The following ARHGEF12 variants were observed in gnomAD, a reference collection of about 807,000 sequenced individuals.
ARHGEF12 encodes the protein KMT2A/ARHGEF12 fusion protein.
In ARHGEF12, 66 loss-of-function variants were observed where a neutral mutation model predicts 211.2. The ratio of observed to expected loss-of-function variants is 0.31; its 90% CI spans 0.26 to 0.38. The LOEUF is 0.38. ARHGEF12 is among the 10% of genes least tolerant of loss of function. The pLI is 1.00. For synonymous variants in ARHGEF12, 592 were observed against 638.4 expected (o/e 0.93, Z 1.09); for missense variants, 1,429 against 1,869.5 (o/e 0.76, Z 4.34).
intron 25 of ARHGEF12, 104 bp from the exon 26 acceptor site, chr11:120,459,069 AT>A (rs1946444921): frequency 1.1e-6 from 1 of 935,892 alleles, no homozygotes; most frequent in Non-Finnish European, 1.4e-6. Context: ...ATGATAAATA[AT>A]TTATTATATA....
Position 120,336,632 on chromosome 11 carries a change from A to G in ARHGEF12, c.-612A>G, listed in dbSNP as rs909416647. 4.0e-5 allele frequency among the ~76,000 whole-genome samples: 6 copies of G among 151,422 alleles called. No homozygotes were observed. The highest frequency in any genetic ancestry group is 1.5e-4 in the African/African-American group (6 of 41,206). On this transcript the variant is annotated 5_prime_UTR_variant, in exon 1 of 41. Coordinates refer to ENST00000397843, the MANE Select transcript of ARHGEF12 (RefSeq NM_015313.3). ...GGTCCCTGTCACCTCGGGCCGCGGG[A>G]CCTCTCCGCCGGCGCCAGCGGCTCG...
chr11:120,361,273 G>A (rs1200863183), intron 1 of ARHGEF12, among the ~76,000 whole-genome samples: 1 of 152,150 alleles, frequency 6.6e-6, no homozygotes, highest in East Asian at 1.9e-4. Flanking sequence ...TGCTGGGGAC[G>A]CATTAGATTC....
rs1565514023 is a variant in ARHGEF12, at chr11:120,477,892, G to GAAAT, written c.3533-261_3533-260insTAAA. 8.5e-4 allele frequency among the ~76,000 whole-genome samples: 122 copies of GAAAT among 143,038 alleles called. 1 individual carries two copies. Among genetic ancestry groups the GAAAT allele is most frequent in the Non-Finnish European group, 1.1e-3 (70 of 65,284 alleles). 93.8% of individuals were successfully genotyped at this position (143,038 alleles called of 152,430 possible). On this transcript the variant is annotated intron_variant, in intron 36 of 40. Transcript: ENST00000397843. Reference sequence around the variant, plus strand: ...AAAAAAAAGAAAAAAAGAAAAAAAAGAAAATAAAATAAAATGCAAAGAAAC... The same window carrying GAAAT: ...AAAAAAAAGAAAAAAAGAAAAAAAAGAAATAAAATAAAATAAAATGCAAAGAAAC...
chr11:120,389,488 G>T (rs923529948), intron 1 of ARHGEF12, among the ~76,000 whole-genome samples: 5 of 152,140 alleles, frequency 3.3e-5, no homozygotes, highest in African/African-American at 1.2e-4. Flanking sequence ...TGGGTACCTA[G>T]TAAGTGTATG....
At chr11:120,446,813 AC>A in intron 17 of ARHGEF12, 134 bp from the exon 18 acceptor site, 1 of 1,080,762 alleles carries the variant, frequency 9.3e-7, no homozygotes, top group Non-Finnish European at 1.3e-6. Flanking sequence ...ATCCTAGATG[AC>A]ATGGACCCAT....
At chr11:120,457,310 C>T in intron 23 of ARHGEF12, 60 bp downstream of exon 23, 1 of 1,579,360 alleles carries the variant, frequency 6.3e-7, no homozygotes, top group Non-Finnish European at 8.7e-7. Flanking sequence ...AAATTATATG[C>T]TATTCCTATA....
chr11:120,446,491 G>T lies in ARHGEF12; in HGVS notation c.1434G>T (p.Arg478Ser). The T allele has an allele frequency of 6.2e-7, 1 of 1,611,928 alleles. No individual in the cohort carries two copies. The highest frequency in any genetic ancestry group is 8.5e-7 in the Non-Finnish European group (1 of 1,179,098). Residue 478 changes from arginine to serine, a missense_variant, in exon 17 of 41, where the codon AGG becomes AGT. Physicochemically the swap from Arg to Ser is moderately radical, Grantham distance 110 (BLOSUM62 -1). Coordinates refer to ENST00000397843, the MANE Select transcript of ARHGEF12 (RefSeq NM_015313.3). ...MQERVHPEVQ[R>S]HLEDFRQKRS... ...AAAGAGTCCATCCAGAAGTTCAAAG[G>T]CACTTAGAAGATTTTCGGTAAGCTT...
At chr11:120,387,248 G>A (rs369773335) in intron 1 of ARHGEF12, among the ~76,000 whole-genome samples, 1 of 151,742 alleles carries the variant, frequency 6.6e-6, no homozygotes, top group Non-Finnish European at 1.5e-5. Flanking sequence ...TGTGTGGTGG[G>A]GGGGGAGGGT....
In ARHGEF12 at chr11:120,477,076, TGGG is replaced by T. The variant is rs1436119180; in HGVS notation, c.3366-142_3366-140del. On this transcript the variant is annotated intron_variant, in intron 34 of 40. Coordinates refer to ENST00000397843, the MANE Select transcript of ARHGEF12 (RefSeq NM_015313.3). Reference sequence around the variant, plus strand: ...AAAATAAAGATATTCTCTGGCAGAGTGGGTTTTGTTGTTGTTGTTGTTGTTGTT... The same window carrying T: ...AAAATAAAGATATTCTCTGGCAGAGTTTTTGTTGTTGTTGTTGTTGTTGTT... 8.9e-6 allele frequency: 6 copies of T among 675,272 alleles called. No homozygotes were observed. In the African/African-American group the frequency reaches 1.2e-4, roughly 13 times the overall value. 41.8% of individuals were successfully genotyped at this position (675,272 alleles called of 1,614,324 possible). A position where few individuals can be genotyped will look rare whatever the true frequency, so the allele number is the denominator to read the frequency against.
chr11:120,420,238 T>C (rs561197823), intron 4 of ARHGEF12, among the ~76,000 whole-genome samples: 1 of 152,372 alleles, frequency 6.6e-6, no homozygotes, highest in East Asian at 1.9e-4. Flanking sequence ...TCAGGTACTC[T>C]GTAAGCACCT....
intron 29 of ARHGEF12, 86 bp from the exon 30 acceptor site, chr11:120,469,202 T>TTGAAA: frequency 1.9e-6 from 2 of 1,047,114 alleles, no homozygotes. Flanking sequence ...CTTAAAAGTA[T>TTGAAA]TGAAATGAAA....
In ARHGEF12 at chr11:120,428,199, T is replaced by C; in HGVS notation, c.537T>C (p.Pro179=). ...CCATCATGACATCTCCTCATTCACC[T>C]GGAGCATCTGGGAATATGGAGAGAA... ...MSPIMTSPHS[P]GASGNMERIT... Residue 179 remains proline, a synonymous_variant, in exon 8 of 41, where the codon CCT becomes CCC. Coordinates refer to ENST00000397843, the MANE Select transcript of ARHGEF12 (RefSeq NM_015313.3). 6.2e-7 allele frequency: 1 copy of C among 1,611,378 alleles called. No homozygotes were observed. The highest frequency in any genetic ancestry group is 1.3e-5 in the African/African-American group (1 of 75,012).
At chr11:120,436,445 A>T (rs1945694756) in intron 11 of ARHGEF12, among the ~76,000 whole-genome samples, 3 of 151,944 alleles carry the variant, frequency 2.0e-5, no homozygotes, top group Admixed American at 2.0e-4. Context: ...CCTCATTTTC[A>T]TTGCTCTAAA....
chr11:120,460,998 C>G (rs1946509570), intron 27 of ARHGEF12, among the ~76,000 whole-genome samples: 1 of 152,204 alleles, frequency 6.6e-6, no homozygotes, highest in Non-Finnish European at 1.5e-5. Flanking sequence ...GTCACACCTT[C>G]AGGCTCCACT....
intron 1 of ARHGEF12, among the ~76,000 whole-genome samples, chr11:120,353,814 G>A (rs137964874): frequency 1.3e-5 from 2 of 152,172 alleles, no homozygotes; most frequent in African/African-American, 2.4e-5. Context: ...ATCTCCACCC[G>A]CCCTTCTGAA....
chr11:120,480,360 T>G lies in ARHGEF12; in HGVS notation c.4167T>G (p.Ser1389Arg). ...TTTTTGATGCCCGTGAAGCACATAG[T>G]GATGAGAATCCATCAGAAGGTGATG... ...EHFFDAREAH[S>R]DENPSEGDGA... Residue 1389 changes from serine (S) to arginine (R), a missense_variant, in exon 38 of 41, where the codon AGT becomes AGG. By Grantham distance (110) the Ser-to-Arg change is moderately radical. This residue lies in a region of ARHGEF12 where 467 missense variants were observed against 468.4 expected (regional missense o/e 1.00). Transcript: ENST00000397843. 1 of 1,614,166 alleles carries G rather than the reference T, an allele frequency of 6.2e-7. No individual in the cohort carries two copies. Among genetic ancestry groups the G allele is most frequent in the Admixed American group, 1.7e-5 (1 of 60,010 alleles).
intron 1 of ARHGEF12, among the ~76,000 whole-genome samples, chr11:120,371,453 A>G (rs1943586986): frequency 6.6e-6 from 1 of 152,214 alleles, no homozygotes; most frequent in Admixed American, 6.5e-5. Context: ...GTGCCACTGC[A>G]CTCCAGCCTG....
At chr11:120,373,469 C>T (rs1943642554) in intron 1 of ARHGEF12, among the ~76,000 whole-genome samples, 1 of 152,198 alleles carries the variant, frequency 6.6e-6, no homozygotes, top group Non-Finnish European at 1.5e-5. Flanking sequence ...GTTTTATCCA[C>T]TGCTGTGTTC....
intron 13 of ARHGEF12, among the ~76,000 whole-genome samples, chr11:120,441,165 G>A (rs962249764): frequency 1.3e-5 from 2 of 152,004 alleles, no homozygotes; most frequent in Admixed American, 6.6e-5. Flanking sequence ...CCTTTGTCTG[G>A]TTTGATAGTT....
Sources: allele counts gnomAD v4.1 joint callset (sites outside exome capture counted in the v4.1 genomes callset), GRCh38; gene constraint gnomAD v4.1.1; regional missense constraint gnomAD v4.1.1; transcripts MANE v1.5; gene names NCBI Gene and HGNC (gene_info 2026-07-23, HGNC 2026-07-21).